Variants in POLRMT observed in about 807,000 individuals in gnomAD.
POLRMT encodes the protein RNA polymerase mitochondrial, also known as DNA-directed RNA polymerase, mitochondrial.
Under a neutral mutation model 132.2 loss-of-function variants are expected in POLRMT, and 114 were observed. The observed-to-expected ratio is 0.86, with a 90% CI of 0.74 to 1.01. The LOEUF (loss-of-function observed/expected upper bound fraction) is 1.01, where lower values mean the gene tolerates loss of function less well. POLRMT is among the 50% of genes least tolerant of loss of function. The pLI is 0.00. For synonymous variants in POLRMT, 1,020 were observed against 773.4 expected (o/e 1.32, Z -5.29); for missense variants, 2,003 against 1,729.1 (o/e 1.16, Z -2.81).
rs532213337 is a variant in POLRMT, at chr19:621,046, C to T, written c.2640+12G>A. 3.2e-6 allele frequency: 5 copies of T among 1,575,178 alleles called. No individual in the cohort carries two copies. In the African/African-American group the frequency reaches 4.7e-5, roughly 15 times the overall value. On this transcript the variant is annotated intron_variant, in intron 10 of 20. Transcript: ENST00000588649. ...GCCGGGAGGGCGGGGAATGCGGGGG[C>T]CCCGCCCCTACCGTCAAGGGTTGGT...
intron 18 of POLRMT, 33 bp downstream of exon 18, chr19:617,744 A>G (rs942527538): frequency 2.4e-5 from 39 of 1,612,400 alleles, no homozygotes; most frequent in Non-Finnish European, 3.2e-5. Flanking sequence ...GGCCCCACCC[A>G]TGGGTGGACT....
chr19:632,716 T>TGG (rs1985511893), intron 2 of POLRMT, 118 bp downstream of exon 2: 1 of 811,678 alleles, frequency 1.2e-6, no homozygotes, highest in African/African-American at 1.8e-5. Flanking sequence ...GGGCGTGTCC[T>TGG]GGGACCCGAG....
At position 618,573 on chromosome 19, in the gene POLRMT, G is replaced by A. The variant is rs751211087; in HGVS notation, c.3337C>T (p.Arg1113Cys). Residue 1113 changes from arginine (R) to cysteine (C), a missense_variant, in exon 17 of 21, where the codon CGT becomes TGT. By Grantham distance (180) the Arg-to-Cys change is radical. Transcript: ENST00000588649. The part of the protein sequence containing the change: ...NGDISRKPNT[R>C]KQKNGFPPNF... ...GGCGGGAAGCCGTTCTTCTGCTTAC[G>A]TGTGTTGGGCTTTCTGAGGACGGAA... 19 of 1,612,848 alleles carry A rather than the reference G, an allele frequency of 1.2e-5. No individual in the cohort carries two copies. Among genetic ancestry groups the A allele is most frequent in the South Asian group, 4.4e-5 (4 of 90,982 alleles).
At chr19:618,782 T>G (rs1200023329) in intron 15 of POLRMT, 22 bp from the exon 16 acceptor site, 1 of 1,581,294 alleles carries the variant, frequency 6.3e-7, no homozygotes, top group African/African-American at 1.4e-5. Context: ...AAGGGGCCGG[T>G]GAGTCCCACC....
intron 16 of POLRMT, 24 bp from the exon 17 acceptor site, chr19:618,610 G>C: frequency 1.2e-6 from 2 of 1,602,266 alleles, no homozygotes; most frequent in Non-Finnish European, 1.7e-6. Context: ...AGGTGCCGGT[G>C]GGGGCGGCCC....
intron 6 of POLRMT, 134 bp from the exon 7 acceptor site, chr19:623,119 C>G (rs1264789309): frequency 3.3e-6 from 4 of 1,195,310 alleles, no homozygotes; most frequent in African/African-American, 1.5e-5. Flanking sequence ...CGGGTAGCTC[C>G]TCACCCCGGC....
chr19:619,404 G>C, intron 13 of POLRMT, 108 bp from the exon 14 acceptor site: 1 of 1,412,988 alleles, frequency 7.1e-7, no homozygotes, highest in Non-Finnish European at 9.8e-7. Flanking sequence ...CCTAGCAGGG[G>C]GGCAGGGGAA....
chr19:618,602 G>GT lies in POLRMT; in HGVS notation c.3324-17dup. On this transcript the variant is annotated splice_polypyrimidine_tract_variant and intron_variant, in intron 16 of 20. Transcript: ENST00000588649. Reference sequence around the variant, plus strand: ...GTTGGGCTTTCTGAGGACGGAACAGGTGCCGGTGGGGGCGGCCCAGGGACA... The same window carrying GT: ...GTTGGGCTTTCTGAGGACGGAACAGGTTGCCGGTGGGGGCGGCCCAGGGACA... The GT allele has an allele frequency of 2.5e-6, 4 of 1,606,502 alleles. No homozygotes were observed. The highest frequency in any genetic ancestry group is 3.4e-6 in the Non-Finnish European group (4 of 1,174,068).
chr19:620,922 CAGGGGGCGCCAGGGGAGGGGGA>C lies in POLRMT; in HGVS notation c.2640+114_2640+135del. 10 of 112,312 alleles carry C rather than the reference CAGGGGGCGCCAGGGGAGGGGGA, an allele frequency of 8.9e-5. 1 individual carries two copies. Among genetic ancestry groups the C allele is most frequent in the South Asian group, 4.5e-4 (2 of 4,442 alleles). 7.0% of individuals were successfully genotyped at this position (112,312 alleles called of 1,614,324 possible). A position where few individuals can be genotyped will look rare whatever the true frequency, so the allele number is the denominator to read the frequency against. ...AGGGGGAGGGGAGGAGGAAGACGGG[CAGGGGGCGCCAGGGGAGGGGGA>C]GGGGAGGAGGAAGACGGGCAGGGGG... On this transcript the variant is annotated intron_variant, in intron 10 of 20. Transcript: ENST00000588649.
chr19:623,028 T>TA, intron 6 of POLRMT, 43 bp from the exon 7 acceptor site: 1 of 1,600,146 alleles, frequency 6.2e-7, no homozygotes, highest in Non-Finnish European at 8.5e-7. Context: ...TGGCAGCTGG[T>TA]GGGACCCAGG....
rs1411385044 is a variant in POLRMT, at chr19:625,261, G to A, written c.823-7C>T. 3.1e-6 allele frequency: 5 copies of A among 1,613,692 alleles called. No individual in the cohort carries two copies. In the South Asian group the frequency reaches 3.3e-5, roughly 11 times the overall value. On this transcript the variant is annotated splice_region_variant and splice_polypyrimidine_tract_variant and intron_variant, in intron 3 of 20. Coordinates refer to ENST00000588649, the MANE Select transcript of POLRMT (RefSeq NM_005035.4). ...CCAGCTCCTTGAAGGCACCCTGGGA[G>A]ACCAAGCCAGGGTGAGGGTCTGGGG... is the stretch of plus-strand genomic sequence containing the variant.
At chr19:626,898 C>CACATATATAT (rs371959370) in intron 3 of POLRMT, among the ~76,000 whole-genome samples, 2 of 146,702 alleles carry the variant, frequency 1.4e-5, no homozygotes, top group African/African-American at 5.1e-5. Context: ...CACACACACA[C>CACATATATAT]ATATATATAT....
At chr19:623,677 T>G (rs914191556) in intron 5 of POLRMT, 74 bp from the exon 6 acceptor site, 1 of 1,541,210 alleles carries the variant, frequency 6.5e-7, no homozygotes. Flanking sequence ...CGAGACAGCA[T>G]GGGTGCACGC....
chr19:623,080 A>AC (rs1984757196), intron 6 of POLRMT, 95 bp from the exon 7 acceptor site: 2 of 1,412,060 alleles, frequency 1.4e-6, no homozygotes, highest in East Asian at 4.9e-5. Context: ...CAGAGACCTC[A>AC]TGGCCCTCAA....
At chr19:619,873 C>A in intron 12 of POLRMT, 85 bp downstream of exon 12, 1 of 1,584,224 alleles carries the variant, frequency 6.3e-7, no homozygotes, top group Non-Finnish European at 8.6e-7. Flanking sequence ...TCAGGACAGG[C>A]CAAGGTGAGG....
chr19:624,448 G>C (rs376584515), intron 5 of POLRMT, among the ~76,000 whole-genome samples: 1 of 152,166 alleles, frequency 6.6e-6, no homozygotes, highest in Non-Finnish European at 1.5e-5. Context: ...GCGTGCACCT[G>C]GCAGCCCCAC....
chr19:620,652 C>T (rs921924531), intron 10 of POLRMT, among the ~76,000 whole-genome samples, 165 bp from the exon 11 acceptor site: 3 of 150,396 alleles, frequency 2.0e-5, no homozygotes, highest in Non-Finnish European at 4.4e-5. Context: ...GATGAGTTCT[C>T]CATAGCCACG....
intron 3 of POLRMT, among the ~76,000 whole-genome samples, chr19:626,917 A>G (rs1388330763): frequency 2.0e-5 from 3 of 149,754 alleles, no homozygotes; most frequent in Non-Finnish European, 4.5e-5. Flanking sequence ...ATATATATAA[A>G]ATAACATATA....
rs1258995920 is a variant in POLRMT, at chr19:621,114, C to A, written c.2584G>T (p.Ala862Ser). The A allele has an allele frequency of 8.7e-6, 14 of 1,610,894 alleles. No individual in the cohort carries two copies. Among genetic ancestry groups the A allele is most frequent in the Non-Finnish European group, 1.2e-5 (14 of 1,178,724 alleles). ...KKREPLRKRL[A>S]FAEEVMDDIL... ...TCATCCATCACCTCCTCCGCAAAGGCCAGGCGCTTCCGCAGCGGCTCCCGC... is the reference window on the plus strand; with the variant it reads ...TCATCCATCACCTCCTCCGCAAAGGACAGGCGCTTCCGCAGCGGCTCCCGC... Residue 862 changes from alanine (A) to serine (S), a missense_variant, in exon 10 of 21, where the codon GCC becomes TCC. Transcript: ENST00000588649.
Sources: gnomAD v4.1 joint callset for allele counts (sites outside exome capture counted in the v4.1 genomes callset) on GRCh38, gnomAD v4.1.1 for gene constraint, MANE v1.5 for transcripts, NCBI Gene and HGNC (gene_info 2026-07-23, HGNC 2026-07-21) for gene names.